FIBCD1: variants seen among roughly 807,000 people sequenced by gnomAD.
FIBCD1 encodes the protein fibrinogen C domain-containing protein 1.
Under a neutral mutation model 45.1 loss-of-function variants are expected in FIBCD1, and 47 were observed. That is an observed-to-expected ratio of 1.04 (90% CI 0.82 to 1.33). The LOEUF (loss-of-function observed/expected upper bound fraction) is 1.33, where lower values mean the gene tolerates loss of function less well. FIBCD1 is among the 40% of genes most tolerant of loss of function. The pLI, the probability that FIBCD1 is intolerant of heterozygous loss-of-function variation, is 0.00. For synonymous variants in FIBCD1, 313 were observed against 308.1 expected (o/e 1.02, Z -0.17); for missense variants, 653 against 682.2 (o/e 0.96, Z 0.48).
At chr9:130,914,173 G>A (rs922828270) in intron 4 of FIBCD1, among the ~76,000 whole-genome samples, 3 of 152,058 alleles carry the variant, frequency 2.0e-5, no homozygotes, top group African/African-American at 7.3e-5. Context: ...GCCTGGGCGA[G>A]GGCTCCTGCC....
At chr9:130,923,706 G>T in intron 4 of FIBCD1, 38 bp downstream of exon 4, 1 of 1,605,846 alleles carries the variant, frequency 6.2e-7, no homozygotes, top group South Asian at 1.1e-5. Flanking sequence ...ACGGTCCCCG[G>T]TGCCTGCCCT....
intron 4 of FIBCD1, among the ~76,000 whole-genome samples, chr9:130,913,403 G>A (rs571277303): frequency 1.1e-4 from 16 of 152,366 alleles, no homozygotes; most frequent in African/African-American, 3.4e-4. Context: ...GATTTCAGTC[G>A]CTCGGAACTG....
rs1234897104 is a variant in FIBCD1, at chr9:130,930,036, C to G, written c.83G>C (p.Cys28Ser). Reference sequence around the variant, plus strand: ...CAGCACGGTGCACAGCACGTAGCCGCAGCTCGGCCGCTGCAGGCCCGCCCG... The same window carrying G: ...CAGCACGGTGCACAGCACGTAGCCGGAGCTCGGCCGCTGCAGGCCCGCCCG... ...RPRDKPQRPSCGYVLCTVLLA... is the reference protein window; with the variant it reads ...RPRDKPQRPSSGYVLCTVLLA... The change falls in exon 2 of 7, where the codon TGC (cysteine) becomes TCC (serine). Residue 28 changes from cysteine (C) to serine (S), a missense_variant. Transcript: ENST00000372338. The G allele has an allele frequency of 1.5e-5, 22 of 1,501,362 alleles. No homozygotes were observed. The highest frequency in any genetic ancestry group is 1.7e-5 in the Non-Finnish European group (19 of 1,127,974). The allele number at this position is 1,501,362 out of a possible 1,614,324, so 93.0% of individuals were successfully genotyped here. A position where few individuals can be genotyped will look rare whatever the true frequency, so the allele number is the denominator to read the frequency against.
rs575389280 is a variant in FIBCD1 at position 130,903,346 on chromosome 9, G to C, written c.*718C>G. The C allele has an allele frequency of 2.6e-5, 4 of 154,120 alleles. No individual in the cohort carries two copies. The highest frequency in any genetic ancestry group is 3.3e-3 in the Middle Eastern group (1 of 300). The allele number at this position is 154,120 out of a possible 1,614,324, so 9.5% of individuals were successfully genotyped here. On this transcript the variant is annotated 3_prime_UTR_variant, in exon 7 of 7. Transcript: ENST00000372338. ...TGGGTTGGGCCTCATTTGAGACAGA[G>C]AGCAGGTGGGCACAGCAGGTAAGAG...
Position 130,909,116 on chromosome 9 carries a change from G to A in FIBCD1, c.946+2676C>T, listed in dbSNP as rs1378741061. ...CCGCCTAAGCCTCCCTACCAGCTCTGACCCCGCTCGCTCGCAGGGGAGTTC... is the reference window on the plus strand; with the variant it reads ...CCGCCTAAGCCTCCCTACCAGCTCTAACCCCGCTCGCTCGCAGGGGAGTTC... On this transcript the variant is annotated intron_variant, in intron 5 of 6. Coordinates refer to ENST00000372338, the MANE Select transcript of FIBCD1 (RefSeq NM_032843.5). 2.0e-5 allele frequency among the ~76,000 whole-genome samples: 3 copies of A among 152,134 alleles called. No homozygotes were observed. The East Asian group carries it at 5.8e-4, about 29-fold the overall frequency.
chr9:130,929,504 T>C, intron 2 of FIBCD1, 63 bp downstream of exon 2: 2 of 1,474,018 alleles, frequency 1.4e-6, no homozygotes, highest in South Asian at 2.9e-5. Context: ...GCCTGGCACA[T>C]GGCAGCAGCA....
chr9:130,923,619 A>T lies in FIBCD1; in HGVS notation c.849+125T>A, dbSNP rs930063337. The T allele has an allele frequency of 8.5e-6, 12 of 1,406,194 alleles. No homozygotes were observed. The African/African-American group carries it at 1.7e-4, about 20-fold the overall frequency. 87.1% of individuals were successfully genotyped at this position (1,406,194 alleles called of 1,614,324 possible). A position where few individuals can be genotyped will look rare whatever the true frequency, so the allele number is the denominator to read the frequency against. ...AGGCCAGGCAGAAGGGCACCAGGGC[A>T]GGGCCAGTCCACAGATCCATGGTGG... On this transcript the variant is annotated intron_variant, in intron 4 of 6. Transcript: ENST00000372338.
At chr9:130,940,689 G>A (rs555937120), upstream of FIBCD1, among the ~76,000 whole-genome samples, 41 of 152,342 alleles carry the variant, frequency 2.7e-4, no homozygotes, top group African/African-American at 9.4e-4. Flanking sequence ...CACCTGAGCA[G>A]GGCAAGGCTC....
intron 1 of FIBCD1, 46 bp from the exon 2 acceptor site, chr9:130,930,092 G>C (rs755095695): frequency 6.8e-7 from 1 of 1,476,100 alleles, no homozygotes; most frequent in Non-Finnish European, 8.9e-7. Context: ...ACAGACGGGA[G>C]AGAGAAGGGG....
At chr9:130,927,628 G>T (rs550865634) in intron 2 of FIBCD1, among the ~76,000 whole-genome samples, 6 of 152,326 alleles carry the variant, frequency 3.9e-5, no homozygotes, top group Non-Finnish European at 8.8e-5. Flanking sequence ...AATCAACCCC[G>T]GCTGGGGGGC....
intron 1 of FIBCD1, among the ~76,000 whole-genome samples, chr9:130,931,001 G>A (rs1041960001): frequency 2.6e-5 from 4 of 152,068 alleles, no homozygotes; most frequent in Non-Finnish European, 5.9e-5. Context: ...CAGTCCCCAG[G>A]GCACATGGGG....
chr9:130,910,034 C>A (rs1291155485), intron 5 of FIBCD1, among the ~76,000 whole-genome samples: 2 of 152,256 alleles, frequency 1.3e-5, no homozygotes, highest in African/African-American at 4.8e-5. Flanking sequence ...TTGAGGAGCC[C>A]TTCAGCCCAC....
intron 1 of FIBCD1, among the ~76,000 whole-genome samples, chr9:130,930,463 C>T (rs560999171): frequency 6.0e-5 from 9 of 150,938 alleles, no homozygotes; most frequent in African/African-American, 1.5e-4. Context: ...CGCAGGGAGA[C>T]GCGGGGAGAT....
In FIBCD1 at chr9:130,930,145, G is replaced by C. The variant is rs899219047; in HGVS notation, c.73-99C>G. ...CCTGGGGTCAGAGGACCCCCTTCTT[G>C]GGGGGCTGGGCAAGGGCGTGGCACA... On this transcript the variant is annotated intron_variant, in intron 1 of 6. Coordinates refer to ENST00000372338, the MANE Select transcript of FIBCD1 (RefSeq NM_032843.5). 2.1e-6 allele frequency: 3 copies of C among 1,402,122 alleles called. No individual in the cohort carries two copies. In the South Asian group the frequency reaches 4.5e-5, roughly 21 times the overall value. The allele number at this position is 1,402,122 out of a possible 1,614,324, so 86.9% of individuals were successfully genotyped here.
chr9:130,920,366 A>C (rs73557891), intron 4 of FIBCD1, among the ~76,000 whole-genome samples: 16,379 of 151,990 alleles, frequency 0.11, 1,538 homozygotes, highest in African/African-American at 0.25. Flanking sequence ...CTCCCCGCTC[A>C]CTCCTCACAG....
chr9:130,918,455 G>A (rs527353423), intron 4 of FIBCD1, among the ~76,000 whole-genome samples: 1 of 152,190 alleles, frequency 6.6e-6, no homozygotes, highest in African/African-American at 2.4e-5. Context: ...CAGCAACTGC[G>A]GTTTTTCCTA....
chr9:130,922,007 G>A lies in FIBCD1; in HGVS notation c.849+1737C>T, dbSNP rs932663741. ...CGGCCGCCTGTGCGGGCCTCCCCGCGTCCTGCCTCTGCTGGGGACCGCTGA... is the reference window on the plus strand; with the variant it reads ...CGGCCGCCTGTGCGGGCCTCCCCGCATCCTGCCTCTGCTGGGGACCGCTGA... On this transcript the variant is annotated intron_variant, in intron 4 of 6. Coordinates refer to ENST00000372338, the MANE Select transcript of FIBCD1 (RefSeq NM_032843.5). The surrounding 1 kb of genome is among the most constrained non-coding windows in gnomAD (Gnocchi z 4.5). 6.6e-5 allele frequency among the ~76,000 whole-genome samples: 10 copies of A among 152,088 alleles called. No homozygotes were observed. Among genetic ancestry groups the A allele is most frequent in the South Asian group, 2.1e-4 (1 of 4,828 alleles).
intron 5 of FIBCD1, among the ~76,000 whole-genome samples, chr9:130,907,432 C>T (rs1161973098): frequency 1.3e-5 from 2 of 152,206 alleles, no homozygotes; most frequent in African/African-American, 4.8e-5. Context: ...TTCCCAGATT[C>T]CCTGGGCCCC....
At chr9:130,908,219 T>C (rs544228644) in intron 5 of FIBCD1, among the ~76,000 whole-genome samples, 6 of 152,188 alleles carry the variant, frequency 3.9e-5, no homozygotes, top group Non-Finnish European at 5.9e-5. Flanking sequence ...AAAGCACTCA[T>C]TGAGAGGGGA....
Sources: gnomAD v4.1 joint callset for allele counts (sites outside exome capture counted in the v4.1 genomes callset) on GRCh38, gnomAD v4.1.1 for gene constraint, Gnocchi (gnomAD v3.1) non-coding constraint, MANE v1.5 for transcripts, NCBI Gene and HGNC (gene_info 2026-07-23, HGNC 2026-07-21) for gene names.